CAMTA1: variants seen among roughly 807,000 people sequenced by gnomAD.
CAMTA1 encodes calmodulin binding transcription activator 1, also known as calmodulin-binding transcription activator 1.
Under a neutral mutation model 170.9 loss-of-function variants are expected in CAMTA1, and 27 were observed. The observed-to-expected ratio is 0.16, with a 90% CI of 0.12 to 0.22. The LOEUF (loss-of-function observed/expected upper bound fraction) is 0.22, where lower values mean the gene tolerates loss of function less well. CAMTA1 is among the 10% of genes least tolerant of loss of function. CAMTA1 has a pLI of 1.00. For missense variants in CAMTA1, 1,619 were observed against 2,217.2 expected, an observed-to-expected ratio of 0.73 and a Z score of 5.42; for synonymous variants, 833 against 891.5, an observed-to-expected ratio of 0.93 and a Z score of 1.17.
chr1:7,577,497 G>A (rs2095210899), intron 6 of CAMTA1, among the ~76,000 whole-genome samples: 1 of 152,032 alleles, frequency 6.6e-6, no homozygotes, highest in Non-Finnish European at 1.5e-5. Context: ...TCACCAGCCG[G>A]CCTGGAAGGA....
intron 3 of CAMTA1, among the ~76,000 whole-genome samples, chr1:6,873,781 G>A (rs1001216698): frequency 3.3e-5 from 5 of 152,198 alleles, no homozygotes; most frequent in African/African-American, 1.2e-4. Context: ...AATGAGCCTT[G>A]TTTATTTGGT....
In CAMTA1 at chr1:7,333,354, G is replaced by A. The variant is rs1441134648; in HGVS notation, c.438+83728G>A. Among the ~76,000 whole-genome samples the A allele has an allele frequency of 6.6e-6, 1 of 152,142 alleles. No individual in the cohort carries two copies. Among genetic ancestry groups the A allele is most frequent in the Non-Finnish European group, 1.5e-5 (1 of 68,026 alleles). On this transcript the variant is annotated intron_variant, in intron 5 of 22. Coordinates refer to ENST00000303635, the MANE Select transcript of CAMTA1 (RefSeq NM_015215.4). The surrounding 1 kb of genome is among the most constrained non-coding windows in gnomAD (Gnocchi z 4.4). ...TGAGGGAGAGACCCGCAGGGGAGTC[G>A]GATCTGACACGGGACCCCACGCTGC...
intron 5 of CAMTA1, among the ~76,000 whole-genome samples, chr1:7,304,457 C>T (rs933725446): frequency 3.3e-5 from 5 of 152,272 alleles, no homozygotes; most frequent in African/African-American, 7.2e-5. Context: ...ACAGTTTAGA[C>T]GATGGACTGT....
chr1:7,237,852 C>CA (rs1664168202), intron 4 of CAMTA1, among the ~76,000 whole-genome samples: 1 of 152,188 alleles, frequency 6.6e-6, no homozygotes, highest in South Asian at 2.1e-4. Context: ...GGGAACCCTA[C>CA]AAAAAGAGGA....
intron 6 of CAMTA1, among the ~76,000 whole-genome samples, chr1:7,616,783 G>T (rs1026420404): frequency 1.3e-5 from 2 of 152,198 alleles, no homozygotes; most frequent in African/African-American, 4.8e-5. Flanking sequence ...GAAATGAAGA[G>T]GAGGGGTGAG....
At chr1:7,647,403 G>A (rs909462682) in intron 7 of CAMTA1, among the ~76,000 whole-genome samples, 1 of 152,108 alleles carries the variant, frequency 6.6e-6, no homozygotes, top group Non-Finnish European at 1.5e-5. Context: ...GTTCCTGGTC[G>A]ACCAGCGCCA....
rs1553247057 is a variant in CAMTA1 at position 7,680,861 on chromosome 1, C to CAGCAGCAGCTG, written c.2914+3128_2914+3129insAGCAGCAGCTG. Among the ~76,000 whole-genome samples, 3 of 136,510 alleles carry CAGCAGCAGCTG rather than the reference C, an allele frequency of 2.2e-5. No individual in the cohort carries two copies. Among genetic ancestry groups the CAGCAGCAGCTG allele is most frequent in the African/African-American group, 8.0e-5 (3 of 37,608 alleles). The allele number at this position is 136,510 out of a possible 152,430, so 89.6% of individuals were successfully genotyped here. On this transcript the variant is annotated intron_variant, in intron 11 of 22. Coordinates refer to ENST00000303635, the MANE Select transcript of CAMTA1 (RefSeq NM_015215.4). This position sits in a 1 kb window ranked among gnomAD's most constrained non-coding sequence, Gnocchi z 4.4. Reference sequence around the variant, plus strand: ...GAGAACACGCGCGCGCGCGCGCGCGCCAGCAGCAGCAGCAGCAGCAGCTGC... The same window carrying CAGCAGCAGCTG: ...GAGAACACGCGCGCGCGCGCGCGCGCAGCAGCAGCTGCAGCAGCAGCAGCAGCAGCAGCTGC...
In CAMTA1 at chr1:7,376,388, G is replaced by A. The variant is rs1232505237; in HGVS notation, c.439-91442G>A. 3.9e-5 allele frequency among the ~76,000 whole-genome samples: 6 copies of A among 152,152 alleles called. 1 individual carries two copies. Among genetic ancestry groups the A allele is most frequent in the South Asian group, 4.1e-4 (2 of 4,824 alleles). On this transcript the variant is annotated intron_variant, in intron 5 of 22. Transcript: ENST00000303635. ...AAAAAGGAAGCTAGTTAGCTCCAGGGGGCTCGCGAGGAGACTGTACCTGCC... is the reference window on the plus strand; with the variant it reads ...AAAAAGGAAGCTAGTTAGCTCCAGGAGGCTCGCGAGGAGACTGTACCTGCC...
At chr1:7,215,738 C>G (rs1659644031) in intron 4 of CAMTA1, among the ~76,000 whole-genome samples, 1 of 152,170 alleles carries the variant, frequency 6.6e-6, no homozygotes, top group South Asian at 2.1e-4. Context: ...TTTGGAATTT[C>G]TATTGCTTTA....
At chr1:7,602,205 G>A (rs1333824750) in intron 6 of CAMTA1, among the ~76,000 whole-genome samples, 12 of 122,104 alleles carry the variant, frequency 9.8e-5, no homozygotes, top group African/African-American at 3.4e-4. Flanking sequence ...TTTTTCTATT[G>A]ATTGGAGTAG....
chr1:7,531,726 C>T (rs539998883), intron 6 of CAMTA1, among the ~76,000 whole-genome samples: 1 of 152,344 alleles, frequency 6.6e-6, no homozygotes, highest in Non-Finnish European at 1.5e-5. Flanking sequence ...TGAGCTGCCT[C>T]CAGAAGCGCA....
In CAMTA1 at chr1:7,092,263, C is replaced by G. The variant is rs1354307848; in HGVS notation, c.302+892C>G. On this transcript the variant is annotated intron_variant, in intron 4 of 22. Coordinates refer to ENST00000303635, the MANE Select transcript of CAMTA1 (RefSeq NM_015215.4). This position sits in a 1 kb window ranked among gnomAD's most constrained non-coding sequence, Gnocchi z 5.0. ...CACGTTGGACAGAAGCCCCAGAGTC[C>G]CCAGGTTTGTTAGGACCAGGGAAGG... is the stretch of plus-strand genomic sequence containing the variant. Among the ~76,000 whole-genome samples, 1 of 152,116 alleles carries G rather than the reference C, an allele frequency of 6.6e-6. No homozygotes were observed. Among genetic ancestry groups the G allele is most frequent in the East Asian group, 1.9e-4 (1 of 5,190 alleles).
At chr1:7,316,498 A>T (rs1677525861) in intron 5 of CAMTA1, among the ~76,000 whole-genome samples, 1 of 152,228 alleles carries the variant, frequency 6.6e-6, no homozygotes, top group African/African-American at 2.4e-5. Flanking sequence ...CACGGTAAGT[A>T]CTCAATAAGT....
chr1:7,489,985 G>A (rs920092458), intron 6 of CAMTA1, among the ~76,000 whole-genome samples: 6 of 152,226 alleles, frequency 3.9e-5, no homozygotes, highest in Non-Finnish European at 8.8e-5. Flanking sequence ...CCGAGGAAAT[G>A]TTCCACGCCG....
At chr1:7,000,131 G>C (rs893989825) in intron 3 of CAMTA1, among the ~76,000 whole-genome samples, 6 of 152,238 alleles carry the variant, frequency 3.9e-5, no homozygotes, top group Admixed American at 1.3e-4. Context: ...TCTAGGGACA[G>C]GATGGGAGAT....
chr1:7,476,238 G>A (rs139071146), intron 6 of CAMTA1, among the ~76,000 whole-genome samples: 4 of 152,340 alleles, frequency 2.6e-5, no homozygotes, highest in Admixed American at 2.6e-4. Flanking sequence ...AGAGACAGGA[G>A]TGGCCAGGCC....
At chr1:7,328,619 C>G (rs2082838635) in intron 5 of CAMTA1, among the ~76,000 whole-genome samples, 1 of 152,042 alleles carries the variant, frequency 6.6e-6, no homozygotes. Context: ...GCATCTTTAC[C>G]TCTATTTTAT....
At chr1:7,761,871 GACTA>G (rs889354029) in intron 22 of CAMTA1, among the ~76,000 whole-genome samples, 4 of 149,854 alleles carry the variant, frequency 2.7e-5, no homozygotes, top group African/African-American at 9.8e-5. Context: ...TTTTTTTTAA[GACTA>G]ACAAGCAGCT....
intron 6 of CAMTA1, among the ~76,000 whole-genome samples, chr1:7,591,117 T>A (rs750628589): frequency 9.2e-5 from 14 of 152,084 alleles, no homozygotes; most frequent in Non-Finnish European, 5.9e-5. Context: ...GAAACTGAAG[T>A]ATTTCTGTGC....
Sources: gnomAD v4.1 joint callset for allele counts (sites outside exome capture counted in the v4.1 genomes callset) on GRCh38, gnomAD v4.1.1 for gene constraint, Gnocchi (gnomAD v3.1) non-coding constraint, MANE v1.5 for transcripts, NCBI Gene and HGNC (gene_info 2026-07-23, HGNC 2026-07-21) for gene names.